S100Z: variants seen among roughly 807,000 people sequenced by gnomAD.
The protein encoded by S100Z is protein S100-Z.
A neutral mutation model predicts 8.5 loss-of-function variants in S100Z; 11 were observed. The observed-to-expected ratio is 1.30, with a 90% CI of 0.82 to 2.15. The LOEUF is 2.15. Ranked by LOEUF, S100Z falls within the 30% of genes most tolerant of loss-of-function variation. S100Z has a pLI of 0.00. For missense variants in S100Z, 126 were observed against 117.9 expected, an observed-to-expected ratio of 1.07 and a Z score of -0.32; for synonymous variants, 34 against 43.8, an observed-to-expected ratio of 0.78 and a Z score of 0.89.
chr5:76,901,417 G>A (rs752376290), intron 4 of S100Z, among the ~76,000 whole-genome samples: 3 of 152,174 alleles, frequency 2.0e-5, no homozygotes, highest in Non-Finnish European at 2.9e-5. Context: ...TATTGCAGCC[G>A]AGCTGGCACT....
chr5:76,930,396 A>C, the S100Z span, among the ~76,000 whole-genome samples: 2 of 152,346 alleles, frequency 1.3e-5, no homozygotes, highest in African/African-American at 4.8e-5. Flanking sequence ...GATACACCCA[A>C]GGTCCCTAGG....
downstream of S100Z, among the ~76,000 whole-genome samples, chr5:76,921,983 T>G (rs1226432052): frequency 7.2e-6 from 1 of 138,384 alleles, no homozygotes; most frequent in Non-Finnish European, 1.6e-5. Flanking sequence ...AGTGAGAGAC[T>G]GTCTCAAAAA....
chr5:76,907,151 C>T (rs1392931323), intron 4 of S100Z, among the ~76,000 whole-genome samples: 2 of 151,486 alleles, frequency 1.3e-5, no homozygotes, highest in Admixed American at 6.6e-5. Context: ...TCAAGACTAT[C>T]CTTTTTTTCT....
At chr5:76,876,350 C>G (rs962938846) in intron 3 of S100Z, among the ~76,000 whole-genome samples, 1 of 151,298 alleles carries the variant, frequency 6.6e-6, no homozygotes, top group African/African-American at 2.4e-5. Context: ...TTCTTTTCCT[C>G]TCATTCCGTT....
chr5:76,894,346 A>G (rs1392805255), intron 4 of S100Z, among the ~76,000 whole-genome samples: 1 of 152,226 alleles, frequency 6.6e-6, no homozygotes, highest in Non-Finnish European at 1.5e-5. Flanking sequence ...CCTAAAATGT[A>G]TAAAACCAAG....
intron 4 of S100Z, among the ~76,000 whole-genome samples, chr5:76,897,196 T>TA (rs1744066418): frequency 6.6e-6 from 1 of 152,096 alleles, no homozygotes; most frequent in African/African-American, 2.4e-5. Context: ...CTCATGCTTG[T>TA]AATCCCAGCA....
intron 1 of S100Z, among the ~76,000 whole-genome samples, chr5:76,856,570 G>A (rs779295514): frequency 4.1e-4 from 62 of 152,164 alleles, no homozygotes; most frequent in African/African-American, 2.4e-4. Flanking sequence ...AGACTAATAC[G>A]CTTGCTGACA....
At chr5:76,870,971 A>G (rs1186212978) in intron 2 of S100Z, among the ~76,000 whole-genome samples, 9 of 152,180 alleles carry the variant, frequency 5.9e-5, no homozygotes, top group Admixed American at 2.0e-4. Flanking sequence ...AGAAAAAAAT[A>G]AAATAAAATC....
intron 4 of S100Z, among the ~76,000 whole-genome samples, chr5:76,910,812 C>T (rs187522242): frequency 6.6e-6 from 1 of 152,312 alleles, no homozygotes; most frequent in East Asian, 1.9e-4. Flanking sequence ...GTGTTAATCT[C>T]CTGTCTTGGA....
chr5:76,935,716 A>C, the S100Z span, among the ~76,000 whole-genome samples: 1 of 151,608 alleles, frequency 6.6e-6, no homozygotes, highest in Non-Finnish European at 1.5e-5. Context: ...ATCACCTTTG[A>C]GAATTAATTG....
intron 4 of S100Z, among the ~76,000 whole-genome samples, chr5:76,889,485 G>T (rs1320342905): frequency 6.6e-6 from 1 of 152,138 alleles, no homozygotes; most frequent in African/African-American, 2.4e-5. Context: ...TTAATTTACT[G>T]CAAAGTTTAC....
intron 1 of S100Z, among the ~76,000 whole-genome samples, chr5:76,856,845 G>A (rs919390357): frequency 6.6e-6 from 1 of 152,252 alleles, no homozygotes; most frequent in Non-Finnish European, 1.5e-5. Context: ...TTAATTTATA[G>A]GTAAAACCAT....
intron 1 of S100Z, among the ~76,000 whole-genome samples, 180 bp downstream of exon 1, chr5:76,850,335 G>GCA (rs1561218224): frequency 9.0e-6 from 1 of 111,002 alleles, no homozygotes; most frequent in African/African-American, 3.7e-5. Context: ...GGGGGGTGGG[G>GCA]GAGAGAGAGA....
chr5:76,949,145 T>C, the S100Z span, among the ~76,000 whole-genome samples: 1 of 152,162 alleles, frequency 6.6e-6, no homozygotes, highest in Admixed American at 6.5e-5. Context: ...TCCCAGCACT[T>C]TGGGAGGCCA....
chr5:76,881,943 G>A (rs1743413866), intron 4 of S100Z, among the ~76,000 whole-genome samples: 1 of 152,186 alleles, frequency 6.6e-6, no homozygotes, highest in South Asian at 2.1e-4. Context: ...TATTAAAGAG[G>A]CATTAATGAT....
chr5:76,915,321 A>T (rs1426029226), intron 4 of S100Z, among the ~76,000 whole-genome samples: 1 of 144,782 alleles, frequency 6.9e-6, no homozygotes, highest in Non-Finnish European at 1.5e-5. Flanking sequence ...AAAAAAAAAA[A>T]TGCTGGGCGT....
At chr5:76,915,903 T>A (rs1744838019) in intron 4 of S100Z, among the ~76,000 whole-genome samples, 1 of 151,910 alleles carries the variant, frequency 6.6e-6, no homozygotes, top group Admixed American at 6.6e-5. Flanking sequence ...GCAAACAAAA[T>A]TACCTAACCC....
At chr5:76,926,190 C>G (rs1304124139), downstream of S100Z, among the ~76,000 whole-genome samples, 1 of 151,878 alleles carries the variant, frequency 6.6e-6, no homozygotes, top group African/African-American at 2.4e-5. Context: ...GGAGTATACT[C>G]TGGCCTAACT....
At chr5:76,936,619 A>G in the S100Z span, among the ~76,000 whole-genome samples, 2 of 123,874 alleles carry the variant, frequency 1.6e-5, no homozygotes, top group Non-Finnish European at 3.4e-5. Flanking sequence ...AAGTTCCTAC[A>G]CACACACACA....
Sources: gnomAD v4.1 joint callset for allele counts (sites outside exome capture counted in the v4.1 genomes callset) on GRCh38, gnomAD v4.1.1 for gene constraint, MANE v1.5 for transcripts, NCBI Gene and HGNC (gene_info 2026-07-23, HGNC 2026-07-21) for gene names.